ZNF638: variants seen among roughly 807,000 people sequenced by gnomAD.
ZNF638 encodes CTCL tumor antigen se33-1.
Under a neutral mutation model 195.6 loss-of-function variants are expected in ZNF638, and 46 were observed. The observed-to-expected ratio is 0.24, with a 90% CI of 0.19 to 0.30. The LOEUF (loss-of-function observed/expected upper bound fraction) is 0.30. Among genes scored for constraint, ZNF638 ranks in the 10% least tolerant of loss-of-function variants. The pLI is 1.00. For missense variants in ZNF638, 2,440 were observed against 2,325.3 expected (o/e 1.05, Z -1.01); for synonymous variants, 845 against 772.0 (o/e 1.09, Z -1.57).
chr2:71,356,222 G>A (rs2079020297), intron 3 of ZNF638, among the ~76,000 whole-genome samples: 1 of 152,152 alleles, frequency 6.6e-6, no homozygotes, highest in Non-Finnish European at 1.5e-5. Context: ...AGTAAGGGAT[G>A]GACAAGCTAG....
rs148853884 is a variant in ZNF638, at chr2:71,360,283, A to G, written c.1380-2870A>G. On this transcript the variant is annotated intron_variant, in intron 3 of 27. Transcript: ENST00000264447. ...ACATTTTTTTCTGAACTATTTGAAA[A>G]TAAATTGCAGACATTATGGGACATC... Among the ~76,000 whole-genome samples the G allele has an allele frequency of 5.9e-5, 9 of 152,342 alleles. No individual in the cohort carries two copies. In the East Asian group the frequency reaches 1.7e-3, roughly 29 times the overall value.
intron 10 of ZNF638, among the ~76,000 whole-genome samples, chr2:71,388,149 CCTT>C (rs2079683072): frequency 1.3e-5 from 2 of 152,106 alleles, no homozygotes; most frequent in South Asian, 4.1e-4. Flanking sequence ...GAGACGCAAA[CCTT>C]CTTGGAAGTC....
intron 11 of ZNF638, among the ~76,000 whole-genome samples, chr2:71,397,988 G>C (rs924932159): frequency 2.6e-5 from 4 of 152,198 alleles, no homozygotes; most frequent in Non-Finnish European, 5.9e-5. Context: ...AGCCGTGGAA[G>C]TGTGGGTTGG....
intron 1 of ZNF638, among the ~76,000 whole-genome samples, chr2:71,337,137 G>GTTT (rs34895501): frequency 4.3e-5 from 6 of 138,184 alleles, no homozygotes; most frequent in Non-Finnish European, 7.8e-5. Flanking sequence ...ATTGCCTATA[G>GTTT]TTTTTTTTTT....
At position 71,349,429 on chromosome 2, in the gene ZNF638, C is replaced by T. The variant is rs150249098; in HGVS notation, c.475C>T (p.Arg159Cys). The T allele has an allele frequency of 1.2e-5, 19 of 1,613,950 alleles. No individual in the cohort carries two copies. The highest frequency in any genetic ancestry group is 1.6e-4 in the Middle Eastern group (1 of 6,084). Reference sequence around the variant, plus strand: ...TAATGAAGACCTAGAAGAACTTAGTCGCTATCCTGATGAACAACTAACTCC... The same window carrying T: ...TAATGAAGACCTAGAAGAACTTAGTTGCTATCCTGATGAACAACTAACTCC... ...LSNEDLEELS[R>C]YPDEQLTPEN... Residue 159 changes from arginine to cysteine, a missense_variant, in exon 2 of 28, where the codon CGC (arginine) becomes TGC (cysteine). Around this residue, in one of 5 missense-constraint regions of ZNF638, gnomAD observed 24 missense variants for 53.1 expected, o/e 0.45. Coordinates refer to ENST00000264447, the MANE Select transcript of ZNF638 (RefSeq NM_014497.5).
chr2:71,371,253 A>G (rs954594629), intron 8 of ZNF638, among the ~76,000 whole-genome samples: 2 of 152,144 alleles, frequency 1.3e-5, no homozygotes, highest in Non-Finnish European at 2.9e-5. Context: ...GTTGATGGAC[A>G]CTTAGTTTGC....
At chr2:71,393,253 T>C in intron 10 of ZNF638, 1 of 598,688 alleles carries the variant, frequency 1.7e-6, no homozygotes, top group South Asian at 2.1e-5. Flanking sequence ...TTCAATCAAC[T>C]ATAGAAAAGC....
chr2:71,341,474 G>A (rs756728756), intron 1 of ZNF638, among the ~76,000 whole-genome samples: 9 of 151,354 alleles, frequency 5.9e-5, no homozygotes, highest in Non-Finnish European at 1.2e-4. Context: ...CCCATCATGC[G>A]TGCATGAACG....
At position 71,349,426 on chromosome 2, in the gene ZNF638, A is replaced by G. The variant is rs751681811; in HGVS notation, c.472A>G (p.Ser158Gly). Reference sequence around the variant, plus strand: ...ATCTAATGAAGACCTAGAAGAACTTAGTCGCTATCCTGATGAACAACTAAC... The same window carrying G: ...ATCTAATGAAGACCTAGAAGAACTTGGTCGCTATCCTGATGAACAACTAAC... ...GLSNEDLEEL[S>G]RYPDEQLTPE... Residue 158 changes from serine to glycine, a missense_variant, in exon 2 of 28, where the codon AGT becomes GGT. Transcript: ENST00000264447. The G allele has an allele frequency of 8.1e-6, 13 of 1,614,212 alleles. No homozygotes were observed. Among genetic ancestry groups the G allele is most frequent in the Non-Finnish European group, 1.1e-5 (13 of 1,180,030 alleles).
At chr2:71,372,415 A>T (rs568728878) in intron 8 of ZNF638, among the ~76,000 whole-genome samples, 93 of 152,284 alleles carry the variant, frequency 6.1e-4, no homozygotes, top group Non-Finnish European at 1.0e-3. Context: ...TTTGCTGTCC[A>T]CTGTGACAGA....
chr2:71,346,862 A>T (rs981204444), intron 1 of ZNF638, among the ~76,000 whole-genome samples: 1 of 152,076 alleles, frequency 6.6e-6, no homozygotes, highest in African/African-American at 2.4e-5. Context: ...TCTACTAAAA[A>T]TACAAAAAAT....
chr2:71,427,289 G>C lies in ZNF638; in HGVS notation c.5420G>C (p.Gly1807Ala). ...AATGACCATCCCACAGATAAAAAAG[G>C]GAATAGAAAGAAGAGAGCTGTGGAC... ...SKNDHPTDKK[G>A]NRKKRAVDTK... Residue 1807 changes from glycine (G) to alanine (A), a missense_variant, in exon 24 of 28, where the codon GGG becomes GCG. Around this residue, in one of 5 missense-constraint regions of ZNF638, gnomAD observed 1,883 missense variants for 1,739.1 expected, o/e 1.08. Transcript: ENST00000264447. 6.2e-7 allele frequency: 1 copy of C among 1,613,570 alleles called. No homozygotes were observed. Among genetic ancestry groups the C allele is most frequent in the African/African-American group, 1.3e-5 (1 of 74,974 alleles).
At chr2:71,347,773 T>C (rs2078875358) in intron 1 of ZNF638, among the ~76,000 whole-genome samples, 1 of 152,240 alleles carries the variant, frequency 6.6e-6, no homozygotes, top group African/African-American at 2.4e-5. Context: ...CAACCAGTTT[T>C]AACTAATAAA....
intron 1 of ZNF638, among the ~76,000 whole-genome samples, chr2:71,348,128 T>C (rs532033059): frequency 6.6e-6 from 1 of 152,398 alleles, no homozygotes; most frequent in African/African-American, 2.4e-5. Context: ...TATTATGTTC[T>C]ATGTTATAAC....
intron 11 of ZNF638, among the ~76,000 whole-genome samples, chr2:71,398,220 A>G (rs1244629479): frequency 6.6e-6 from 1 of 152,152 alleles, no homozygotes. Flanking sequence ...GAATATTTGC[A>G]TATATATAAT....
chr2:71,357,356 G>T (rs1262687956), intron 3 of ZNF638, among the ~76,000 whole-genome samples: 1 of 152,062 alleles, frequency 6.6e-6, no homozygotes, highest in African/African-American at 2.4e-5. Flanking sequence ...GGAAATTGGG[G>T]TTACTATCCT....
intron 10 of ZNF638, among the ~76,000 whole-genome samples, chr2:71,389,294 A>G (rs1435077751): frequency 6.6e-6 from 1 of 152,228 alleles, no homozygotes; most frequent in Non-Finnish European, 1.5e-5. Context: ...CCTGCCCGGT[A>G]ATGCAAGATC....
chr2:71,345,346 T>A (rs1041458109), intron 1 of ZNF638, among the ~76,000 whole-genome samples: 3 of 152,192 alleles, frequency 2.0e-5, no homozygotes, highest in Non-Finnish European at 4.4e-5. Context: ...TTACTTTTTT[T>A]AACCATTGAA....
At chr2:71,362,963 G>A (rs2079134059) in intron 3 of ZNF638, among the ~76,000 whole-genome samples, 190 bp from the exon 4 acceptor site, 1 of 152,130 alleles carries the variant, frequency 6.6e-6, no homozygotes, top group Non-Finnish European at 1.5e-5. Flanking sequence ...GGCCTTTAAA[G>A]TATGGGGAGT....
Sources: gnomAD v4.1 joint callset for allele counts (sites outside exome capture counted in the v4.1 genomes callset) on GRCh38, gnomAD v4.1.1 for gene constraint, gnomAD v4.1.1 regional missense constraint, MANE v1.5 for transcripts, NCBI Gene and HGNC (gene_info 2026-07-23, HGNC 2026-07-21) for gene names.